The following DLGAP1 variants were observed in gnomAD, a reference collection of about 807,000 sequenced individuals.
The protein encoded by DLGAP1 is disks large-associated protein 1.
Under a neutral mutation model 90.8 loss-of-function variants are expected in DLGAP1, and 11 were observed. That is an observed-to-expected ratio of 0.12 (90% CI 0.08 to 0.20). The LOEUF is 0.20. DLGAP1 is among the 10% of genes least tolerant of loss of function. The pLI is 1.00. For synonymous variants in DLGAP1, 558 were observed against 540.7 expected (o/e 1.03, Z -0.44); for missense variants, 1,050 against 1,333.8 (o/e 0.79, Z 3.31).
At chr18:4,333,721 A>G (rs997468883) in intron 1 of DLGAP1, among the ~76,000 whole-genome samples, 5 of 148,986 alleles carry the variant, frequency 3.4e-5, no homozygotes, top group African/African-American at 1.3e-4. Flanking sequence ...CCGGGTTCAC[A>G]CCATTCTCCT....
chr18:3,673,273 A>T (rs180739144), intron 7 of DLGAP1, among the ~76,000 whole-genome samples: 1 of 152,070 alleles, frequency 6.6e-6, no homozygotes, highest in Non-Finnish European at 1.5e-5. Context: ...GCACAAACCT[A>T]TCCCTCTACT....
intron 1 of DLGAP1, among the ~76,000 whole-genome samples, chr18:4,238,594 C>T (rs2078466688): frequency 6.6e-6 from 1 of 152,140 alleles, no homozygotes; most frequent in Non-Finnish European, 1.5e-5. Context: ...CTTCAAAAAA[C>T]TTACTCAGTA....
intron 2 of DLGAP1, among the ~76,000 whole-genome samples, chr18:4,054,455 C>T (rs2075183068): frequency 1.3e-5 from 2 of 152,154 alleles, no homozygotes; most frequent in Non-Finnish European, 2.9e-5. Flanking sequence ...TTTAATAGCT[C>T]CATATAAATA....
intron 5 of DLGAP1, among the ~76,000 whole-genome samples, chr18:3,784,720 G>C (rs1174305249): frequency 6.6e-6 from 1 of 152,204 alleles, no homozygotes; most frequent in Non-Finnish European, 1.5e-5. Flanking sequence ...CAATGAGCGA[G>C]AGCCTTGGGG....
At chr18:3,993,376 G>T (rs2074006517) in intron 3 of DLGAP1, among the ~76,000 whole-genome samples, 1 of 152,084 alleles carries the variant, frequency 6.6e-6, no homozygotes, top group South Asian at 2.1e-4. Flanking sequence ...TTAATCAATT[G>T]CTTTCTTACA....
intron 11 of DLGAP1, among the ~76,000 whole-genome samples, chr18:3,506,251 C>T (rs1311685671): frequency 1.3e-5 from 2 of 150,280 alleles, no homozygotes; most frequent in East Asian, 2.0e-4. Context: ...TGGTGGCTCA[C>T]GCCTGTAATC....
At chr18:3,943,468 T>C (rs1880199521) in intron 3 of DLGAP1, among the ~76,000 whole-genome samples, 2 of 150,370 alleles carry the variant, frequency 1.3e-5, no homozygotes, top group Admixed American at 6.6e-5. Flanking sequence ...TTTTTTTTTT[T>C]TCTGGCATGA....
At chr18:4,218,721 T>C (rs1002365131) in intron 1 of DLGAP1, among the ~76,000 whole-genome samples, 3 of 151,978 alleles carry the variant, frequency 2.0e-5, no homozygotes, top group East Asian at 1.9e-4. Context: ...AGTATTTGTC[T>C]TTCTGTGTCT....
At chr18:4,302,082 T>C (rs2080139364) in intron 1 of DLGAP1, among the ~76,000 whole-genome samples, 1 of 152,164 alleles carries the variant, frequency 6.6e-6, no homozygotes, top group African/African-American at 2.4e-5. Flanking sequence ...TCTCCCAATC[T>C]CTAGGATATC....
Position 3,887,155 on chromosome 18 carries a change from A to G in DLGAP1, c.-72-7015T>C, listed in dbSNP as rs73940249. ...TCCCTTGCTATTGAACCACGTGACA[A>G]CTTTAGCCAAGGGCTCTGCAGAGGG... is the stretch of plus-strand genomic sequence containing the variant. On this transcript the variant is annotated intron_variant, in intron 3 of 12. Coordinates refer to ENST00000315677, the MANE Select transcript of DLGAP1 (RefSeq NM_004746.4). Among the ~76,000 whole-genome samples, 1,391 of 152,246 alleles carry G rather than the reference A, an allele frequency of 9.1e-3. 22 individuals are homozygous for G. Among genetic ancestry groups the G allele is most frequent in the African/African-American group, 0.031 (1,303 of 41,546 alleles).
chr18:4,060,688 C>G lies in DLGAP1; in HGVS notation c.-158-55487G>C, dbSNP rs2075286081. ...TCCTCACAGAAGGAAAATGACTTAT[C>G]TCATTCAAAAGTTATCAAGGTAAAT... On this transcript the variant is annotated intron_variant, in intron 2 of 12. Transcript: ENST00000315677. 2.0e-5 allele frequency among the ~76,000 whole-genome samples: 3 copies of G among 152,162 alleles called. No homozygotes were observed. The South Asian group carries it at 6.2e-4, about 31-fold the overall frequency.
At chr18:3,869,541 G>T (rs1216240490) in intron 4 of DLGAP1, among the ~76,000 whole-genome samples, 1 of 152,182 alleles carries the variant, frequency 6.6e-6, no homozygotes, top group Non-Finnish European at 1.5e-5. Flanking sequence ...GGGTGACAAA[G>T]GGAAACACTG....
intron 5 of DLGAP1, among the ~76,000 whole-genome samples, chr18:3,790,102 CA>C (rs2065656605): frequency 6.6e-6 from 1 of 152,062 alleles, no homozygotes; most frequent in South Asian, 2.1e-4. Context: ...ATGTTAGAAT[CA>C]GTGGAAAATT....
chr18:3,637,003 G>A (rs1487137139), intron 7 of DLGAP1, among the ~76,000 whole-genome samples: 4 of 152,014 alleles, frequency 2.6e-5, no homozygotes, highest in African/African-American at 4.8e-5. Context: ...GATTACAGGC[G>A]TTAGCCACTG....
At chr18:3,845,393 TG>T in intron 4 of DLGAP1, 4 of 1,380,734 alleles carry the variant, frequency 2.9e-6, no homozygotes, top group Non-Finnish European at 9.5e-7. Flanking sequence ...GACTTGGGGG[TG>T]GGGGGAGAGT....
chr18:3,820,422 C>T (rs1486037410), intron 4 of DLGAP1, among the ~76,000 whole-genome samples: 1 of 152,144 alleles, frequency 6.6e-6, no homozygotes, highest in Admixed American at 6.5e-5. Flanking sequence ...GGAACCTAGG[C>T]ATTTGGTTGA....
intron 1 of DLGAP1, among the ~76,000 whole-genome samples, chr18:4,195,237 A>C (rs1350531747): frequency 6.6e-6 from 1 of 152,168 alleles, no homozygotes; most frequent in Non-Finnish European, 1.5e-5. Flanking sequence ...TTCCCATTCA[A>C]GATTCATGAG....
At chr18:4,100,311 T>C (rs2075759776) in intron 2 of DLGAP1, among the ~76,000 whole-genome samples, 1 of 152,222 alleles carries the variant, frequency 6.6e-6, no homozygotes. Flanking sequence ...TCAGAGCTCT[T>C]GGGTGAACAG....
chr18:4,077,687 C>T (rs760434147), intron 2 of DLGAP1, among the ~76,000 whole-genome samples: 17 of 152,088 alleles, frequency 1.1e-4, no homozygotes, highest in Non-Finnish European at 1.5e-5. Context: ...GATGCAGATG[C>T]CCAATCTTGA....
Sources: gnomAD v4.1 joint callset for allele counts (sites outside exome capture counted in the v4.1 genomes callset) on GRCh38, gnomAD v4.1.1 for gene constraint, MANE v1.5 for transcripts, NCBI Gene and HGNC (gene_info 2026-07-23, HGNC 2026-07-21) for gene names.